RPS6KA3: variants seen among roughly 807,000 people sequenced by gnomAD.
The protein encoded by RPS6KA3 is ribosomal protein S6 kinase alpha-3.
A neutral mutation model predicts 67.2 loss-of-function variants in RPS6KA3; 4 were observed. The observed-to-expected ratio is 0.06, with a 90% CI of 0.03 to 0.14. RPS6KA3 has a LOEUF of 0.14. Among genes scored for constraint, RPS6KA3 ranks in the 10% least tolerant of loss-of-function variants. RPS6KA3 has a pLI of 1.00. For missense variants in RPS6KA3, 204 were observed against 559.0 expected, an observed-to-expected ratio of 0.36 and a Z score of 6.40; for synonymous variants, 182 against 183.7, an observed-to-expected ratio of 0.99 and a Z score of 0.07.
intron 7 of RPS6KA3, among the ~76,000 whole-genome samples, chrX:20,192,592 C>CTT (rs1159974637): frequency 0.013 from 600 of 45,314 alleles, 1 homozygote; most frequent in Middle Eastern, 0.02. Flanking sequence ...TGTAAATTTT[C>CTT]TTTTTTTTTT....
intron 19 of RPS6KA3, 45 bp from the exon 20 acceptor site, chrX:20,161,806 CTTGG>C (rs781044876): frequency 2.8e-5 from 13 of 465,831 alleles, no homozygotes; most frequent in African/African-American, 1.0e-4. Flanking sequence ...AAATTTATTA[CTTGG>C]TTGGTAATCT....
At chrX:20,202,141 G>A (rs150416882) in intron 4 of RPS6KA3, among the ~76,000 whole-genome samples, 2,469 of 108,452 alleles carry the variant, frequency 0.023, 78 homozygotes, top group African/African-American at 0.079. Context: ...CACCATGCCC[G>A]GCTAATTTTT....
intron 20 of RPS6KA3, among the ~76,000 whole-genome samples, chrX:20,160,288 C>G (rs1371998654): frequency 8.9e-6 from 1 of 111,995 alleles, no homozygotes; most frequent in Non-Finnish European, 1.9e-5. Flanking sequence ...CATCTTTTAT[C>G]TCTAAGGCCT....
intron 2 of RPS6KA3, chrX:20,218,940 C>T (rs865809705): frequency 1.6e-4 from 104 of 631,073 alleles, no homozygotes; most frequent in Admixed American, 6.7e-5. Context: ...CCAGCTGTTC[C>T]GGCAATTAGA....
At chrX:20,258,822 T>C (rs2070143276) in intron 1 of RPS6KA3, among the ~76,000 whole-genome samples, 1 of 112,161 alleles carries the variant, frequency 8.9e-6, no homozygotes, top group Non-Finnish European at 1.9e-5. Context: ...AACAAATATT[T>C]AGGAAACTAG....
At chrX:20,221,579 C>T (rs751559538) in intron 2 of RPS6KA3, among the ~76,000 whole-genome samples, 8 of 111,819 alleles carry the variant, frequency 7.2e-5, no homozygotes, top group South Asian at 3.7e-4. Context: ...GCAGGACATA[C>T]GGTTTCTGTC....
intron 1 of RPS6KA3, among the ~76,000 whole-genome samples, chrX:20,252,930 A>G (rs918636201): frequency 1.8e-5 from 2 of 110,975 alleles, no homozygotes; most frequent in Non-Finnish European, 3.8e-5. Flanking sequence ...AGGTGAGGGT[A>G]GAGTATGGAT....
chrX:20,216,511 G>A lies in RPS6KA3; in HGVS notation c.127-7107C>T, dbSNP rs776457228. On this transcript the variant is annotated intron_variant, in intron 2 of 21. Coordinates refer to ENST00000379565, the MANE Select transcript of RPS6KA3 (RefSeq NM_004586.3). The stretch of plus-strand genomic sequence containing the variant: ...AAATAATAATAATAGGTAAATAAAG[G>A]TTAGAACATGATAAATACTATGAAG... 7.0e-4 allele frequency among the ~76,000 whole-genome samples: 78 copies of A among 111,098 alleles called. 1 individual carries two copies. The highest frequency in any genetic ancestry group is 2.5e-3 in the African/African-American group (76 of 30,440).
intron 10 of RPS6KA3, among the ~76,000 whole-genome samples, chrX:20,182,475 C>G: frequency 9.0e-6 from 1 of 111,717 alleles, no homozygotes; most frequent in Non-Finnish European, 1.9e-5. Context: ...TATATTTTTA[C>G]AGGGTTGGAA....
chrX:20,156,782 C>G (rs778322321), intron 20 of RPS6KA3, among the ~76,000 whole-genome samples: 1 of 110,976 alleles, frequency 9.0e-6, no homozygotes, highest in African/African-American at 3.3e-5. Context: ...GTGTTACTCC[C>G]GCTTCAGCCT....
In RPS6KA3 at chrX:20,194,288, T is replaced by C; in HGVS notation, c.407-20A>G. ...GAAAAGCTGAATGAAGAAATGAAAA[T>C]TTTCATTTAGTCCACCATAATTTTT... is the stretch of plus-strand genomic sequence containing the variant. On this transcript the variant is annotated intron_variant, in intron 5 of 21. Transcript: ENST00000379565. 9.5e-7 allele frequency: 1 copy of C among 1,056,891 alleles called. No homozygotes were observed. The highest frequency in any genetic ancestry group is 1.3e-6 in the Non-Finnish European group (1 of 757,138). The allele number at this position is 1,056,891 out of a possible 1,213,427, so 87.1% of individuals were successfully genotyped here. A position where few individuals can be genotyped will look rare whatever the true frequency, so the allele number is the denominator to read the frequency against.
intron 1 of RPS6KA3, among the ~76,000 whole-genome samples, chrX:20,236,134 A>G (rs1234189465): frequency 9.0e-6 from 1 of 110,933 alleles, no homozygotes; most frequent in Non-Finnish European, 1.9e-5. Context: ...TATGGGAAAA[A>G]CTCTGGAAGG....
At chrX:20,175,072 G>A in intron 14 of RPS6KA3, 92 bp downstream of exon 14, 3 of 887,477 alleles carry the variant, frequency 3.4e-6, no homozygotes, top group Non-Finnish European at 5.0e-6. Context: ...ATTTTAAATT[G>A]CTCACTTGAA....
rs748619877 is a variant in RPS6KA3 at position 20,234,846 on chromosome X, A to C, written c.70-32T>G. 7 of 1,095,714 alleles carry C rather than the reference A, an allele frequency of 6.4e-6. No homozygotes were observed. The South Asian group carries it at 9.2e-5, about 14-fold the overall frequency. The allele number at this position is 1,095,714 out of a possible 1,213,427, so 90.3% of individuals were successfully genotyped here. ...AAAGCACAGCAAGCAGGAAGTTACC[A>C]AAACAGACCTCACATCAGTTAAAGT... On this transcript the variant is annotated intron_variant, in intron 1 of 21. Coordinates refer to ENST00000379565, the MANE Select transcript of RPS6KA3 (RefSeq NM_004586.3).
rs773807871 is a variant in RPS6KA3, at chrX:20,175,179, T to C, written c.1212A>G (p.Val404=). 6.3e-5 allele frequency: 76 copies of C among 1,205,907 alleles called. No homozygotes were observed. In the Admixed American group the frequency reaches 1.6e-3, roughly 26 times the overall value. The change falls in exon 14 of 22, where the codon GTA becomes GTG. Residue 404 remains valine, a synonymous_variant. Coordinates refer to ENST00000379565, the MANE Select transcript of RPS6KA3 (RefSeq NM_004586.3). ...DESQAMQTVG[V]HSIVQQLHRN... is the part of the protein sequence containing the mutation. Reference sequence around the variant, plus strand: ...ATCCACTCACCTGAACAATTGAATGTACACCAACTGTCTGCATAGCTTGGC... The same window carrying C: ...ATCCACTCACCTGAACAATTGAATGCACACCAACTGTCTGCATAGCTTGGC...
intron 2 of RPS6KA3, among the ~76,000 whole-genome samples, chrX:20,232,246 C>T (rs878873078): frequency 1.8e-5 from 2 of 109,581 alleles, no homozygotes; most frequent in Admixed American, 1.9e-4. Context: ...CTAACCAAAG[C>T]ATGAAACCCA....
chrX:20,222,640 CT>C (rs903437786), intron 2 of RPS6KA3, among the ~76,000 whole-genome samples: 9 of 111,208 alleles, frequency 8.1e-5, no homozygotes, highest in Admixed American at 1.9e-4. Context: ...CCAGAATAAT[CT>C]TTTTTTTGTC....
intron 10 of RPS6KA3, among the ~76,000 whole-genome samples, chrX:20,180,888 T>C (rs1234127843): frequency 1.8e-5 from 2 of 112,417 alleles, no homozygotes; most frequent in Admixed American, 1.9e-4. Context: ...AACAACTGAC[T>C]AGGTTTCTAT....
intron 2 of RPS6KA3, among the ~76,000 whole-genome samples, chrX:20,224,684 A>C (rs1349301831): frequency 8.9e-6 from 1 of 111,732 alleles, no homozygotes; most frequent in African/African-American, 3.3e-5. Context: ...AGAAATGGGA[A>C]ATAAGTTTCA....
Sources: gnomAD v4.1 joint callset for allele counts (sites outside exome capture counted in the v4.1 genomes callset) on GRCh38, gnomAD v4.1.1 for gene constraint, MANE v1.5 for transcripts, NCBI Gene and HGNC (gene_info 2026-07-23, HGNC 2026-07-21) for gene names.